The following FARSB variants were observed in gnomAD, a reference collection of about 807,000 sequenced individuals.
The protein encoded by FARSB is phenylalanine--tRNA ligase beta subunit.
In FARSB, 40 loss-of-function variants were observed where a neutral mutation model predicts 69.6. That is an observed-to-expected ratio of 0.57 (90% CI 0.45 to 0.75). FARSB has a LOEUF of 0.75. Among genes scored for constraint, FARSB ranks in the 30% least tolerant of loss-of-function variants. The pLI, the probability that FARSB is intolerant of heterozygous loss-of-function variation, is 0.00. For synonymous variants in FARSB, 235 were observed against 247.2 expected (o/e 0.95, Z 0.46); for missense variants, 632 against 722.9 (o/e 0.87, Z 1.44).
At chr2:222,612,771 A>G (rs910791422) in intron 15 of FARSB, among the ~76,000 whole-genome samples, 9 of 152,202 alleles carry the variant, frequency 5.9e-5, no homozygotes, top group Non-Finnish European at 1.0e-4. Flanking sequence ...TGTATCAGAG[A>G]CTGGAGATGT....
chr2:222,613,827 T>C lies in FARSB; in HGVS notation c.1446A>G (p.Ile482Met). 1 of 1,587,198 alleles carries C rather than the reference T, an allele frequency of 6.3e-7. No homozygotes were observed. Among genetic ancestry groups the C allele is most frequent in the South Asian group, 1.1e-5 (1 of 90,498 alleles). The change falls in exon 15 of 17, where the codon ATA (isoleucine) becomes ATG (methionine). Residue 482 changes from isoleucine (I) to methionine (M), a missense_variant. Ile to Met is a conservative substitution (Grantham distance 10, BLOSUM62 1). Transcript: ENST00000281828. ...LKLFEISDIV[I>M]KDSNTDVGAK... ...TATTCTTACCTGTATTAGAATCTTT[T>C]ATTACAATGTCAGAGATTTCAAACA...
At chr2:222,648,104 C>A (rs774681758) in intron 2 of FARSB, among the ~76,000 whole-genome samples, 14 of 152,062 alleles carry the variant, frequency 9.2e-5, no homozygotes, top group Non-Finnish European at 1.6e-4. Context: ...AGGACTCAGA[C>A]CCCCAACCCC....
In FARSB at chr2:222,613,044, G is replaced by A. The variant is rs148077677; in HGVS notation, c.1462+767C>T. Among the ~76,000 whole-genome samples, 13 of 152,188 alleles carry A rather than the reference G, an allele frequency of 8.5e-5. No individual in the cohort carries two copies. In the East Asian group the frequency reaches 2.3e-3, roughly 27 times the overall value. On this transcript the variant is annotated intron_variant, in intron 15 of 16. Coordinates refer to ENST00000281828, the MANE Select transcript of FARSB (RefSeq NM_005687.5). ...TTAAGACAATATGCATATAAATCACGCCATATAAGAAAATGTTCCACAGTG... is the reference window on the plus strand; with the variant it reads ...TTAAGACAATATGCATATAAATCACACCATATAAGAAAATGTTCCACAGTG...
At chr2:222,654,054 T>C (rs1053078621) in intron 1 of FARSB, among the ~76,000 whole-genome samples, 3 of 152,196 alleles carry the variant, frequency 2.0e-5, no homozygotes, top group African/African-American at 7.2e-5. Context: ...AGGTTATAAA[T>C]CTCACCATTT....
In FARSB at chr2:222,579,926, G is replaced by A. The variant is rs59015461; in HGVS notation, c.1619-7904C>T. Among the ~76,000 whole-genome samples, 670 of 152,284 alleles carry A rather than the reference G, an allele frequency of 4.4e-3. 2 individuals carry two copies. The highest frequency in any genetic ancestry group is 0.015 in the African/African-American group (631 of 41,548). On this transcript the variant is annotated intron_variant, in intron 16 of 16. Coordinates refer to ENST00000281828, the MANE Select transcript of FARSB (RefSeq NM_005687.5). ...ACAACTCTAGGGTGTTGATGGGACA[G>A]ATATCGTCATTGCCATTTTACAGAT...
chr2:222,629,300 ATATT>A (rs1291312107), intron 9 of FARSB, among the ~76,000 whole-genome samples: 4 of 152,246 alleles, frequency 2.6e-5, no homozygotes, highest in Non-Finnish European at 1.5e-5. Flanking sequence ...CTACAGTTAT[ATATT>A]TATTTTCAAT....
chr2:222,601,263 A>C (rs954374398), intron 15 of FARSB, among the ~76,000 whole-genome samples: 4 of 152,166 alleles, frequency 2.6e-5, no homozygotes, highest in Non-Finnish European at 5.9e-5. Context: ...GGTAGCTCTC[A>C]TATGTTTTTT....
At position 222,640,876 on chromosome 2, in the gene FARSB, T is replaced by C; in HGVS notation, c.325A>G (p.Ile109Val). 1 of 1,554,700 alleles carries C rather than the reference T, an allele frequency of 6.4e-7. No homozygotes were observed. Among genetic ancestry groups the C allele is most frequent in the Non-Finnish European group, 8.8e-7 (1 of 1,135,622 alleles). Reference protein sequence around the residue: ...VMPDGKIQKLIITEETAKIRP... With the variant: ...VMPDGKIQKLVITEETAKIRP... ...GTCCTTATTACCTCTTCTGTGATAA[T>C]CAATTTCTGGATTTTTCCATCAGGC... The change falls in exon 4 of 17, where the codon ATT becomes GTT. Residue 109 changes from isoleucine to valine, a missense_variant. Coordinates refer to ENST00000281828, the MANE Select transcript of FARSB (RefSeq NM_005687.5).
At chr2:222,624,525 T>G (rs1374190890) in intron 11 of FARSB, 46 bp from the exon 12 acceptor site, 1 of 1,343,824 alleles carries the variant, frequency 7.4e-7, no homozygotes, top group Non-Finnish European at 1.1e-6. Flanking sequence ...GATTATTTTT[T>G]TAATGTTTAC....
chr2:222,640,748 CCTGT>C, intron 4 of FARSB, 110 bp downstream of exon 4: 1 of 614,036 alleles, frequency 1.6e-6, no homozygotes, highest in East Asian at 3.1e-5. Flanking sequence ...AGAGCCAGAC[CCTGT>C]CTCAAAACAA....
intron 14 of FARSB, among the ~76,000 whole-genome samples, chr2:222,616,967 T>C (rs1691013569): frequency 6.6e-6 from 1 of 152,080 alleles, no homozygotes; most frequent in South Asian, 2.1e-4. Context: ...TAAGGTACTT[T>C]ATGCAGAAAG....
At chr2:222,655,905 C>G in intron 1 of FARSB, 111 bp downstream of exon 1, 1 of 888,938 alleles carries the variant, frequency 1.1e-6, no homozygotes, top group Non-Finnish European at 1.8e-6. Context: ...ACCCCGGCCT[C>G]CCGGAGCCAA....
intron 16 of FARSB, among the ~76,000 whole-genome samples, chr2:222,597,889 G>GA (rs1428545306): frequency 6.6e-6 from 1 of 151,644 alleles, no homozygotes; most frequent in Non-Finnish European, 1.5e-5. Flanking sequence ...TTTAAAAGAA[G>GA]AAAAAAAAGA....
chr2:222,633,829 G>C (rs956634938), intron 6 of FARSB, among the ~76,000 whole-genome samples: 4 of 152,088 alleles, frequency 2.6e-5, no homozygotes, highest in African/African-American at 9.7e-5. Context: ...TTTCTCAAGA[G>C]TGAAAACAGA....
In FARSB at chr2:222,628,840, A is replaced by T; in HGVS notation, c.897T>A (p.Phe299Leu). 1 of 1,598,500 alleles carries T rather than the reference A, an allele frequency of 6.3e-7. No individual in the cohort carries two copies. Among genetic ancestry groups the T allele is most frequent in the Non-Finnish European group, 8.6e-7 (1 of 1,166,798 alleles). ...VVFPNGKSHT[F>L]PELAYRKEMV... Reference sequence around the variant, plus strand: ...AAGTCATTTCTTAAGCACTTACTGGAAAGGTATGTGATTTTCCATTAGGAA... The same window carrying T: ...AAGTCATTTCTTAAGCACTTACTGGTAAGGTATGTGATTTTCCATTAGGAA... The change falls in exon 10 of 17, where the codon TTT becomes TTA. Residue 299 changes from phenylalanine (F) to leucine (L), a missense_variant. Coordinates refer to ENST00000281828, the MANE Select transcript of FARSB (RefSeq NM_005687.5).
chr2:222,614,019 G>T, intron 14 of FARSB, 91 bp from the exon 15 acceptor site: 1 of 672,628 alleles, frequency 1.5e-6, no homozygotes. Flanking sequence ...AAAGACTATG[G>T]CTTCATAGGA....
At chr2:222,633,125 A>G (rs556784639) in intron 7 of FARSB, 74 bp downstream of exon 7, 98 of 809,730 alleles carry the variant, frequency 1.2e-4, no homozygotes, top group African/African-American at 1.0e-3. Context: ...AGCCAAGTCT[A>G]TTGAGAATTC....
intron 16 of FARSB, among the ~76,000 whole-genome samples, chr2:222,577,519 C>CA (rs1468126666): frequency 1.3e-5 from 2 of 152,154 alleles, no homozygotes; most frequent in Non-Finnish European, 2.9e-5. Context: ...GCATGGAACT[C>CA]AGGGAGCCCA....
chr2:222,640,077 G>A (rs1691681662), intron 4 of FARSB, among the ~76,000 whole-genome samples: 1 of 152,114 alleles, frequency 6.6e-6, no homozygotes, highest in Non-Finnish European at 1.5e-5. Flanking sequence ...AATTATTTAT[G>A]GAAAGCAAAG....
Sources: gnomAD v4.1 joint callset for allele counts (sites outside exome capture counted in the v4.1 genomes callset) on GRCh38, gnomAD v4.1.1 for gene constraint, MANE v1.5 for transcripts, NCBI Gene and HGNC (gene_info 2026-07-23, HGNC 2026-07-21) for gene names.